Variants in MARCHF8 observed in about 807,000 individuals in gnomAD.
The protein encoded by MARCHF8 is E3 ubiquitin-protein ligase MARCHF8.
Under a neutral mutation model 51.6 loss-of-function variants are expected in MARCHF8, and 40 were observed. That is an observed-to-expected ratio of 0.77 (90% CI 0.60 to 1.01). The LOEUF (loss-of-function observed/expected upper bound fraction) is 1.01. Ranked by LOEUF, MARCHF8 falls within the 50% of genes least tolerant of loss-of-function variation. The pLI is 0.00. For synonymous variants in MARCHF8, 263 were observed against 280.3 expected (o/e 0.94, Z 0.62); for missense variants, 685 against 708.6 (o/e 0.97, Z 0.38).
intron 2 of MARCHF8, among the ~76,000 whole-genome samples, chr10:45,504,926 C>T (rs972592632): frequency 2.0e-5 from 3 of 152,108 alleles, no homozygotes; most frequent in Admixed American, 1.3e-4. Context: ...TTAACAATTC[C>T]GACATTCTAC....
intron 3 of MARCHF8, among the ~76,000 whole-genome samples, chr10:45,473,093 G>A (rs776585060): frequency 4.6e-5 from 7 of 152,176 alleles, no homozygotes; most frequent in Non-Finnish European, 1.0e-4. Context: ...CTGCCCTCGC[G>A]TAATAAAAGT....
intron 1 of MARCHF8, among the ~76,000 whole-genome samples, chr10:45,547,576 G>A (rs2044142518): frequency 6.6e-6 from 1 of 152,180 alleles, no homozygotes. Context: ...ATGTGATAGT[G>A]TGCAGCAACC....
At chr10:45,584,116 T>C (rs1375469403) in intron 1 of MARCHF8, among the ~76,000 whole-genome samples, 1 of 119,662 alleles carries the variant, frequency 8.4e-6, no homozygotes, top group Non-Finnish European at 1.7e-5. Context: ...TCTACCAACA[T>C]ATATACAATC....
At position 45,581,891 on chromosome 10, in the gene MARCHF8, T is replaced by C. The variant is rs531157047; in HGVS notation, c.-79+12344A>G. On this transcript the variant is annotated intron_variant, in intron 1 of 6. Coordinates refer to the MARCHF8 transcript ENST00000319836. ...TGAATCATCAAGAACTACACAAGACTTAAAGGAGTAACATTTTCAAAACTG... is the reference window on the plus strand; with the variant it reads ...TGAATCATCAAGAACTACACAAGACCTAAAGGAGTAACATTTTCAAAACTG... Among the ~76,000 whole-genome samples the C allele has an allele frequency of 5.3e-5, 8 of 150,826 alleles. No individual in the cohort carries two copies. The South Asian group carries it at 1.7e-3, about 32-fold the overall frequency.
At chr10:45,534,025 T>C (rs1393737876) in intron 1 of MARCHF8, among the ~76,000 whole-genome samples, 2 of 151,980 alleles carry the variant, frequency 1.3e-5, no homozygotes, top group African/African-American at 4.8e-5. Flanking sequence ...CTACTAAAAA[T>C]ACAAAAAATT....
chr10:45,510,306 T>A (rs1177854101), intron 2 of MARCHF8, among the ~76,000 whole-genome samples: 1 of 152,186 alleles, frequency 6.6e-6, no homozygotes, highest in African/African-American at 2.4e-5. Flanking sequence ...TATGGTATTT[T>A]CTTATGGCAG....
intron 1 of MARCHF8, among the ~76,000 whole-genome samples, chr10:45,568,206 C>T (rs12265787): frequency 0.31 from 46,965 of 152,066 alleles, 7,453 homozygotes; most frequent in Admixed American, 0.36. Context: ...TAAAATTACA[C>T]CATCTGTAAA....
chr10:45,592,127 T>C (rs944721031), intron 1 of MARCHF8, among the ~76,000 whole-genome samples: 1 of 148,896 alleles, frequency 6.7e-6, no homozygotes, highest in Non-Finnish European at 1.5e-5. Flanking sequence ...GACTATTGAT[T>C]TAAAAAATGA....
At chr10:45,470,744 C>A (rs779653418) in intron 3 of MARCHF8, among the ~76,000 whole-genome samples, 1 of 152,160 alleles carries the variant, frequency 6.6e-6, no homozygotes, top group Admixed American at 6.5e-5. Flanking sequence ...CTGCTCCTAA[C>A]GGTCAACTCG....
chr10:45,511,409 CCCACGGTCTCCCTCTCCCTCTCTTT>C (rs1258796840), intron 2 of MARCHF8, among the ~76,000 whole-genome samples: 1 of 151,938 alleles, frequency 6.6e-6, no homozygotes, highest in Non-Finnish European at 1.5e-5. Context: ...CTCCCCACGG[CCCACGGTCTCCCTCTCCCTCTCTTT>C]CCACGGTCTC....
upstream of MARCHF8, among the ~76,000 whole-genome samples, chr10:45,535,578 C>T (rs890186542): frequency 1.3e-5 from 2 of 152,128 alleles, no homozygotes; most frequent in African/African-American, 2.4e-5. Context: ...AGCAACAGAC[C>T]TATAAGTTTG....
At chr10:45,498,293 T>C (rs2043211861) in intron 2 of MARCHF8, among the ~76,000 whole-genome samples, 1 of 152,204 alleles carries the variant, frequency 6.6e-6, no homozygotes, top group South Asian at 2.1e-4. Context: ...TCTATACTCA[T>C]TAAACAATTC....
chr10:45,469,624 G>C (rs941834098), intron 3 of MARCHF8, among the ~76,000 whole-genome samples: 1 of 152,138 alleles, frequency 6.6e-6, no homozygotes, highest in African/African-American at 2.4e-5. Context: ...CCAGCACTTT[G>C]GGGGGCCGAG....
At chr10:45,473,805 G>A (rs1423591394) in intron 3 of MARCHF8, among the ~76,000 whole-genome samples, 1 of 152,132 alleles carries the variant, frequency 6.6e-6, no homozygotes, top group Non-Finnish European at 1.5e-5. Context: ...CTGCAATAGG[G>A]TGCCATGAGA....
upstream of MARCHF8, among the ~76,000 whole-genome samples, chr10:45,536,861 A>ATAG (rs2043978258): frequency 6.8e-6 from 1 of 147,482 alleles, no homozygotes; most frequent in East Asian, 2.0e-4. Flanking sequence ...AATAATAATA[A>ATAG]TAATAATAAT....
chr10:45,540,104 A>G (rs555154868), upstream of MARCHF8, among the ~76,000 whole-genome samples: 112 of 152,320 alleles, frequency 7.4e-4, no homozygotes, highest in African/African-American at 2.4e-3. Flanking sequence ...AATCAATATC[A>G]TGAAAATGGC....
intron 1 of MARCHF8, among the ~76,000 whole-genome samples, chr10:45,574,076 G>T (rs2044461831): frequency 1.1e-5 from 1 of 92,068 alleles, no homozygotes; most frequent in African/African-American, 4.1e-5. Flanking sequence ...TCCTCCCCTT[G>T]TATCTCCCCA....
At chr10:45,508,919 G>A (rs2133182547) in intron 2 of MARCHF8, among the ~76,000 whole-genome samples, 1 of 152,200 alleles carries the variant, frequency 6.6e-6, no homozygotes, top group South Asian at 2.1e-4. Context: ...ACTCTCATCA[G>A]ATCCTTCATT....
At chr10:45,523,341 C>T (rs2043740035) in intron 2 of MARCHF8, among the ~76,000 whole-genome samples, 1 of 152,148 alleles carries the variant, frequency 6.6e-6, no homozygotes, top group East Asian at 1.9e-4. Flanking sequence ...GCCTTGGCAA[C>T]ATAGCAAGAT....
Sources: gnomAD v4.1 joint callset for allele counts (sites outside exome capture counted in the v4.1 genomes callset) on GRCh38, gnomAD v4.1.1 for gene constraint, MANE v1.5 for transcripts, NCBI Gene and HGNC (gene_info 2026-07-23, HGNC 2026-07-21) for gene names.